SEC16B: variants seen among roughly 807,000 people sequenced by gnomAD.
SEC16B encodes SEC16 homolog B, endoplasmic reticulum export factor.
A neutral mutation model predicts 141.8 loss-of-function variants in SEC16B; 115 were observed. That is an observed-to-expected ratio of 0.81 (90% CI 0.70 to 0.95). The LOEUF (loss-of-function observed/expected upper bound fraction) is 0.95, where lower values mean the gene tolerates loss of function less well. Among genes scored for constraint, SEC16B ranks in the 40% least tolerant of loss-of-function variants. SEC16B has a pLI of 0.00. For synonymous variants in SEC16B, 493 were observed against 492.5 expected, an observed-to-expected ratio of 1.00 and a Z score of -0.01; for missense variants, 1,291 against 1,312.3, an observed-to-expected ratio of 0.98 and a Z score of 0.25.
chr1:177,961,062 G>A, intron 6 of SEC16B, 123 bp from the exon 7 acceptor site: 1 of 1,092,084 alleles, frequency 9.2e-7, no homozygotes, highest in South Asian at 1.6e-5. Context: ...AAGATTCTGG[G>A]TGGGTTGTGT....
At chr1:177,947,779 G>GACAGGGAGGGGAGGGGAGGT in intron 13 of SEC16B, 46 bp downstream of exon 13, 3 of 1,130,894 alleles carry the variant, frequency 2.7e-6, no homozygotes, top group African/African-American at 1.8e-5. Flanking sequence ...GGAGGGGAGG[G>GACAGGGAGGGGAGGGGAGGT]AAGGGACAGG....
chr1:177,958,719 G>T, intron 9 of SEC16B, 121 bp downstream of exon 9: 2 of 1,270,942 alleles, frequency 1.6e-6, no homozygotes, highest in Non-Finnish European at 1.1e-6. Context: ...TTTTTCCCTT[G>T]GGGCAATTTG....
Position 177,958,864 on chromosome 1 carries a change from C to G in SEC16B, c.1110G>C (p.Leu370Phe). 9 of 1,613,692 alleles carry G rather than the reference C, an allele frequency of 5.6e-6. No individual in the cohort carries two copies. The highest frequency in any genetic ancestry group is 7.6e-6 in the Non-Finnish European group (9 of 1,179,690). The change falls in exon 9 of 26, where the codon TTG (leucine) becomes TTC (phenylalanine). Residue 370 changes from leucine to phenylalanine, a missense_variant. Around this residue, in one of 3 missense-constraint regions of SEC16B, gnomAD observed 681 missense variants for 675.5 expected, o/e 1.01. Transcript: ENST00000308284. ...SRDSALLWQL[L>F]VLLCRQNGSM... is the part of the protein sequence containing the mutation. The stretch of plus-strand genomic sequence containing the variant: ...CCCCATTCTGGCGACAAAGGAGAAC[C>G]AAGAGCTGCCACAGTAGAGCTGAGT...
At chr1:177,961,801 C>A in intron 5 of SEC16B, 67 bp from the exon 6 acceptor site, 1 of 1,421,358 alleles carries the variant, frequency 7.0e-7, no homozygotes, top group Non-Finnish European at 9.7e-7. Flanking sequence ...AGCGTTCCTT[C>A]AAAGAAACAA....
At chr1:177,960,618 G>T (rs1652982134) in intron 7 of SEC16B, 173 bp downstream of exon 7, 1 of 726,274 alleles carries the variant, frequency 1.4e-6, no homozygotes, top group Non-Finnish European at 2.3e-6. Context: ...TCAGAGAAGA[G>T]CCCCACCCAT....
At position 177,958,945 on chromosome 1, in the gene SEC16B, C is replaced by T. The variant is rs780402516; in HGVS notation, c.1029G>A (p.Thr343=). 23 of 1,613,440 alleles carry T rather than the reference C, an allele frequency of 1.4e-5. No homozygotes were observed. Among genetic ancestry groups the T allele is most frequent in the East Asian group, 6.7e-5 (3 of 44,876 alleles). Residue 343 remains threonine (T), a synonymous_variant, in exon 9 of 26, where the codon ACG becomes ACA. Transcript: ENST00000308284. The part of the protein sequence containing the change: ...REDVHKVDIM[T]FCQQKAAQSC... ...TCTGAGCTGCTTTCTGCTGGCAAAACGTCATAATATCCACCTTATGTACAT... is the reference window on the plus strand; with the variant it reads ...TCTGAGCTGCTTTCTGCTGGCAAAATGTCATAATATCCACCTTATGTACAT...
chr1:177,952,113 G>T (rs984914309), intron 11 of SEC16B, 118 bp from the exon 12 acceptor site: 19 of 822,032 alleles, frequency 2.3e-5, no homozygotes, highest in Admixed American at 8.3e-5. Context: ...TTAGGAACAT[G>T]AGCATCGCTT....
chr1:177,974,438 A>G (rs917607201), upstream of SEC16B, among the ~76,000 whole-genome samples: 8 of 152,220 alleles, frequency 5.3e-5, no homozygotes, highest in Non-Finnish European at 1.0e-4. Context: ...TGCCAGAAAG[A>G]TGGGCAGATA....
intron 13 of SEC16B, 42 bp from the exon 14 acceptor site, chr1:177,946,573 C>T (rs201289576): frequency 2.6e-5 from 38 of 1,458,384 alleles, no homozygotes; most frequent in Non-Finnish European, 3.1e-5. Flanking sequence ...GGAGCACACC[C>T]GTATGGGGAG....
upstream of SEC16B, among the ~76,000 whole-genome samples, chr1:177,972,429 A>G (rs1356255424): frequency 6.6e-6 from 1 of 152,162 alleles, no homozygotes; most frequent in Admixed American, 6.5e-5. Flanking sequence ...TAGGAGCTCA[A>G]TCCCCACCAG....
intron 3 of SEC16B, among the ~76,000 whole-genome samples, chr1:177,965,570 T>A (rs1653451740): frequency 6.6e-6 from 1 of 152,224 alleles, no homozygotes; most frequent in Non-Finnish European, 1.5e-5. Context: ...CCAGCAGATG[T>A]CCTTAAGAAC....
chr1:177,933,463 G>T, intron 21 of SEC16B, 21 bp downstream of exon 21: 1 of 1,608,682 alleles, frequency 6.2e-7, no homozygotes, highest in East Asian at 2.2e-5. Context: ...AGGCAGGGGA[G>T]AGAAGAACAA....
At chr1:177,956,660 A>G (rs1287529791) in intron 10 of SEC16B, among the ~76,000 whole-genome samples, 5 of 152,328 alleles carry the variant, frequency 3.3e-5, no homozygotes, top group Admixed American at 2.0e-4. Flanking sequence ...AAATTAAGCT[A>G]GAAATCAATC....
chr1:177,933,548 T>A lies in SEC16B; in HGVS notation c.2660A>T (p.Asp887Val). ...EDEKESSDEADKNSPRNTAQR... is the reference protein window; with the variant it reads ...EDEKESSDEAVKNSPRNTAQR... ...GGCAGTATTTCGGGGAGAGTTTTTATCAGCCTCATCAGAGGACTCCTTCTC... is the reference window on the plus strand; with the variant it reads ...GGCAGTATTTCGGGGAGAGTTTTTAACAGCCTCATCAGAGGACTCCTTCTC... The change falls in exon 21 of 26, where the codon GAT (aspartate) becomes GTT (valine). Residue 887 changes from aspartate to valine, a missense_variant. Asp to Val is a radical substitution (Grantham distance 152, BLOSUM62 -3). Around this residue, in one of 3 missense-constraint regions of SEC16B, gnomAD observed 605 missense variants for 614.1 expected, o/e 0.99. Transcript: ENST00000308284. The A allele has an allele frequency of 6.2e-7, 1 of 1,613,958 alleles. No homozygotes were observed. Among genetic ancestry groups the A allele is most frequent in the Non-Finnish European group, 8.5e-7 (1 of 1,179,876 alleles).
At chr1:177,965,319 TAAAG>T (rs1277137606) in intron 3 of SEC16B, among the ~76,000 whole-genome samples, 152 bp from the exon 4 acceptor site, 3 of 152,048 alleles carry the variant, frequency 2.0e-5, no homozygotes, top group East Asian at 1.9e-4. Context: ...TGAGAGCTAA[TAAAG>T]AAAGTCCATA....
At chr1:177,960,591 C>T in intron 7 of SEC16B, 188 bp from the exon 8 acceptor site, 1 of 695,952 alleles carries the variant, frequency 1.4e-6, no homozygotes, top group South Asian at 1.9e-5. Flanking sequence ...AAAAACACAA[C>T]TGTAGCATCA....
In SEC16B at chr1:177,930,616, G is replaced by C; in HGVS notation, c.3040C>G (p.Pro1014Ala). The change falls in exon 25 of 26, where the codon CCT becomes GCT. Residue 1014 changes from proline (P) to alanine (A), a missense_variant. Coordinates refer to ENST00000308284, the MANE Select transcript of SEC16B (RefSeq NM_033127.4). ...ESVSFELCSN[P>A]GVLLPPPALK... is the part of the protein sequence containing the mutation. ...GCAGGTGGAGGAAGAAGAACACCAGGGTTGGAGCAGAGCTCAAAGGAAACA... is the reference window on the plus strand; with the variant it reads ...GCAGGTGGAGGAAGAAGAACACCAGCGTTGGAGCAGAGCTCAAAGGAAACA... 6.2e-7 allele frequency: 1 copy of C among 1,613,674 alleles called. No individual in the cohort carries two copies. The highest frequency in any genetic ancestry group is 8.5e-7 in the Non-Finnish European group (1 of 1,179,770).
upstream of SEC16B, among the ~76,000 whole-genome samples, chr1:177,973,008 C>G (rs1177416987): frequency 2.0e-5 from 3 of 152,222 alleles, no homozygotes; most frequent in African/African-American, 7.2e-5. Context: ...GACTTCCCAG[C>G]CTCCAGAAGG....
upstream of SEC16B, among the ~76,000 whole-genome samples, chr1:177,974,596 T>G (rs1316537018): frequency 7.3e-6 from 1 of 136,556 alleles, no homozygotes. Flanking sequence ...ATTAAGAGGT[T>G]TGATGATCTT....
Sources: gnomAD v4.1 joint callset for allele counts (sites outside exome capture counted in the v4.1 genomes callset) on GRCh38, gnomAD v4.1.1 for gene constraint, gnomAD v4.1.1 regional missense constraint, MANE v1.5 for transcripts, NCBI Gene and HGNC (gene_info 2026-07-23, HGNC 2026-07-21) for gene names.